The following FSD1L variants were observed in gnomAD, a reference collection of about 807,000 sequenced individuals.
FSD1L encodes the protein FSD1-like protein.
FSD1L carries 45 observed loss-of-function variants against 71.6 expected under a neutral mutation model. That is an observed-to-expected ratio of 0.63 (90% CI 0.49 to 0.81). The LOEUF (loss-of-function observed/expected upper bound fraction) is 0.81. Among genes scored for constraint, FSD1L ranks in the 30% least tolerant of loss-of-function variants. The probability of loss-of-function intolerance (pLI) is 0.00; values close to 1 mark genes in which losing one functional copy is unlikely to be tolerated. For missense variants in FSD1L, 561 were observed against 618.1 expected, an observed-to-expected ratio of 0.91 and a Z score of 0.98; for synonymous variants, 197 against 207.2, an observed-to-expected ratio of 0.95 and a Z score of 0.42.
chr9:105,519,375 T>C (rs1834962763), intron 10 of FSD1L, among the ~76,000 whole-genome samples: 1 of 152,168 alleles, frequency 6.6e-6, no homozygotes, highest in South Asian at 2.1e-4. Context: ...CCAATATCCC[T>C]GATGAACATT....
chr9:105,509,144 A>G (rs1405390354), intron 9 of FSD1L, among the ~76,000 whole-genome samples: 1 of 152,230 alleles, frequency 6.6e-6, no homozygotes, highest in Non-Finnish European at 1.5e-5. Flanking sequence ...ATTAATGGTT[A>G]CAAAACACTT....
intron 7 of FSD1L, among the ~76,000 whole-genome samples, chr9:105,490,517 C>T (rs948933351): frequency 2.8e-4 from 43 of 151,150 alleles, no homozygotes; most frequent in African/African-American, 1.0e-3. Context: ...TAATTAGATC[C>T]CAGTTGTCAA....
chr9:105,520,586 T>C, intron 10 of FSD1L: 5 of 1,460,102 alleles, frequency 3.4e-6, no homozygotes, highest in Middle Eastern at 1.8e-4. Flanking sequence ...ATTGGATTGA[T>C]TTAAAGAAGC....
chr9:105,529,246 C>A (rs1474141880), intron 10 of FSD1L, among the ~76,000 whole-genome samples: 1 of 152,186 alleles, frequency 6.6e-6, no homozygotes, highest in Non-Finnish European at 1.5e-5. Flanking sequence ...CTAGAAATAT[C>A]ATTTGACCCA....
chr9:105,447,324 CAAAA>C (rs35514046), upstream of FSD1L, among the ~76,000 whole-genome samples: 20,104 of 60,458 alleles, frequency 0.33, 1,269 homozygotes, highest in Non-Finnish European at 0.36. Context: ...ACTCCATCTC[CAAAA>C]AAAAAAAAAA....
intron 10 of FSD1L, chr9:105,530,527 G>T: frequency 3.0e-6 from 2 of 671,318 alleles, no homozygotes; most frequent in Non-Finnish European, 5.4e-6. Context: ...TTTAAAAATT[G>T]TTTTTCTGTT....
chr9:105,496,891 C>G (rs1313131582), intron 7 of FSD1L, among the ~76,000 whole-genome samples: 3 of 152,174 alleles, frequency 2.0e-5, no homozygotes, highest in Non-Finnish European at 4.4e-5. Flanking sequence ...CCTAGGACTT[C>G]CAGTACTATG....
In FSD1L at chr9:105,448,060, C is replaced by G. The variant is rs978293804; in HGVS notation, c.-161C>G. The G allele has an allele frequency of 1.3e-6, 1 of 779,224 alleles. No homozygotes were observed. The highest frequency in any genetic ancestry group is 2.1e-6 in the Non-Finnish European group (1 of 470,536). 48.3% of individuals were successfully genotyped at this position (779,224 alleles called of 1,614,324 possible). On this transcript the variant is annotated 5_prime_UTR_variant, in exon 1 of 14. Transcript: ENST00000481272. ...TTTCACCCTGGCAACCGCGGCGTGA[C>G]TACGGCGCGCGCGGTCTGGGCGCGG... is the stretch of plus-strand genomic sequence containing the variant.
chr9:105,504,216 T>C (rs1833927805), intron 7 of FSD1L, among the ~76,000 whole-genome samples: 1 of 152,238 alleles, frequency 6.6e-6, no homozygotes, highest in African/African-American at 2.4e-5. Context: ...CAGTGAATAG[T>C]CTACAATTCT....
At chr9:105,444,914 A>G (rs1204974380), upstream of FSD1L, among the ~76,000 whole-genome samples, 1 of 152,238 alleles carries the variant, frequency 6.6e-6, no homozygotes, top group African/African-American at 2.4e-5. Flanking sequence ...CTGATTCAGT[A>G]GATCCAGGGA....
chr9:105,500,121 A>C (rs185506194), intron 7 of FSD1L, among the ~76,000 whole-genome samples: 4 of 152,298 alleles, frequency 2.6e-5, no homozygotes, highest in South Asian at 4.1e-4. Context: ...TCTCCATGAG[A>C]GCCCTCAGAA....
Position 105,471,848 on chromosome 9 carries a change from T to A in FSD1L, c.340-56T>A, listed in dbSNP as rs781277628. ...TTATAACAATATATATTTAAGATTC[T>A]AATGGCAATAGGAAACTTCATTTTA... On this transcript the variant is annotated intron_variant, in intron 4 of 13. Coordinates refer to ENST00000481272, the MANE Select transcript of FSD1L (RefSeq NM_001145313.3). 65 of 643,726 alleles carry A rather than the reference T, an allele frequency of 1.0e-4. No homozygotes were observed. The Admixed American group carries it at 1.9e-3, about 19-fold the overall frequency. The allele number at this position is 643,726 out of a possible 1,614,324, so 39.9% of individuals were successfully genotyped here.
intron 5 of FSD1L, among the ~76,000 whole-genome samples, chr9:105,475,675 T>C (rs991248985): frequency 2.0e-5 from 3 of 152,226 alleles, no homozygotes; most frequent in African/African-American, 7.2e-5. Context: ...CTTAATTTCA[T>C]TTCTTGGTGT....
chr9:105,529,106 AAGTC>A (rs1202449743), intron 10 of FSD1L, among the ~76,000 whole-genome samples: 2 of 152,228 alleles, frequency 1.3e-5, no homozygotes, highest in Non-Finnish European at 1.5e-5. Context: ...GATCATGAAA[AAGTC>A]AGGAAACAAC....
intron 10 of FSD1L, among the ~76,000 whole-genome samples, chr9:105,529,159 A>C (rs112569851): frequency 6.6e-6 from 1 of 152,248 alleles, no homozygotes; most frequent in African/African-American, 2.4e-5. Flanking sequence ...GAACTGTTCT[A>C]CACTGTTGGT....
At chr9:105,495,617 G>C (rs534999689) in intron 7 of FSD1L, among the ~76,000 whole-genome samples, 1 of 152,218 alleles carries the variant, frequency 6.6e-6, no homozygotes, top group Admixed American at 6.5e-5. Context: ...GCTGTAGACC[G>C]GAGCTGTTCC....
At chr9:105,455,413 C>A (rs1042532477) in intron 1 of FSD1L, among the ~76,000 whole-genome samples, 1 of 152,190 alleles carries the variant, frequency 6.6e-6, no homozygotes, top group Non-Finnish European at 1.5e-5. Flanking sequence ...CATGAAGTCA[C>A]CTAATTCAAA....
intron 7 of FSD1L, among the ~76,000 whole-genome samples, chr9:105,496,728 A>G (rs1177270099): frequency 6.6e-6 from 1 of 152,254 alleles, no homozygotes; most frequent in Non-Finnish European, 1.5e-5. Flanking sequence ...TAGGCCTTGT[A>G]TCCTGCAGCC....
At chr9:105,520,247 A>C in intron 10 of FSD1L, 2 of 1,607,028 alleles carry the variant, frequency 1.2e-6, no homozygotes, top group Non-Finnish European at 8.5e-7. Context: ...TAATGGTGGA[A>C]CTGGCTGAAG....
Sources: allele counts gnomAD v4.1 joint callset (sites outside exome capture counted in the v4.1 genomes callset), GRCh38; gene constraint gnomAD v4.1.1; transcripts MANE v1.5; gene names NCBI Gene and HGNC (gene_info 2026-07-23, HGNC 2026-07-21).